Variants in KLRC2 observed in about 807,000 individuals in gnomAD.
The protein encoded by KLRC2 is killer cell lectin like receptor C2.
In KLRC2, 10 loss-of-function variants were observed where a neutral mutation model predicts 25.5. The ratio of observed to expected loss-of-function variants is 0.39; its 90% CI spans 0.24 to 0.67. The LOEUF is 0.67. Ranked by LOEUF, KLRC2 falls within the 30% of genes least tolerant of loss-of-function variation. The pLI, the probability that KLRC2 is intolerant of heterozygous loss-of-function variation, is 0.45. For synonymous variants in KLRC2, 48 were observed against 93.3 expected (o/e 0.51, Z 2.80); for missense variants, 170 against 272.8 (o/e 0.62, Z 2.65).
At position 10,432,000 on chromosome 12, in the gene KLRC2, C is replaced by T. The variant is rs1863821767; in HGVS notation, c.584+106G>A. 7.1e-6 allele frequency: 7 copies of T among 988,664 alleles called. 1 individual carries two copies. In the South Asian group the frequency reaches 1.2e-4, roughly 17 times the overall value. The allele number at this position is 988,664 out of a possible 1,614,324, so 61.2% of individuals were successfully genotyped here. A position where few individuals can be genotyped will look rare whatever the true frequency, so the allele number is the denominator to read the frequency against. ...TTATATCAACATTTCACTAACTTTC[C>T]ACATCTTTCTTCATGTCAATGATTC... On this transcript the variant is annotated intron_variant, in intron 5 of 5. Coordinates refer to ENST00000381902, the MANE Select transcript of KLRC2 (RefSeq NM_002260.4).
rs1435887167 is a variant in KLRC2 at position 10,431,711 on chromosome 12, C to G, written c.584+395G>C. Among the ~76,000 whole-genome samples, 4 of 141,518 alleles carry G rather than the reference C, an allele frequency of 2.8e-5. No individual in the cohort carries two copies. In the South Asian group the frequency reaches 8.8e-4, roughly 31 times the overall value. 92.8% of individuals were successfully genotyped at this position (141,518 alleles called of 152,430 possible). A position where few individuals can be genotyped will look rare whatever the true frequency, so the allele number is the denominator to read the frequency against. On this transcript the variant is annotated intron_variant, in intron 5 of 5. Coordinates refer to ENST00000381902, the MANE Select transcript of KLRC2 (RefSeq NM_002260.4). The stretch of plus-strand genomic sequence containing the variant: ...TCCAACTCGCTGCCCATGGGCCGCA[C>G]GTGACCCAGGACAGCTTTGAATGCG...
chr12:10,434,744 T>C (rs1217801012), intron 2 of KLRC2, among the ~76,000 whole-genome samples: 15 of 152,080 alleles, frequency 9.9e-5, no homozygotes, highest in African/African-American at 2.4e-4. Flanking sequence ...TCTTGTAGTA[T>C]TTGATGTAAC....
intron 5 of KLRC2, among the ~76,000 whole-genome samples, chr12:10,431,555 A>G (rs1374627351): frequency 7.1e-6 from 1 of 141,756 alleles, no homozygotes; most frequent in Non-Finnish European, 1.5e-5. Context: ...AATAACTAAT[A>G]ATAAAAAAAT....
At position 10,435,698 on chromosome 12, in the gene KLRC2, C is replaced by T. The variant is rs113029910; in HGVS notation, c.187+102G>A. ...AATTTTAGATCCCAATTATGAACTC[C>T]GATTCTCACAAGTGCAAAATATTCC... On this transcript the variant is annotated intron_variant, in intron 1 of 5. Coordinates refer to ENST00000381902, the MANE Select transcript of KLRC2 (RefSeq NM_002260.4). The T allele has an allele frequency of 7.6e-5, 97 of 1,283,372 alleles. 13 individuals are homozygous for T. Among genetic ancestry groups the T allele is most frequent in the Admixed American group, 2.0e-4 (9 of 45,152 alleles). 79.5% of individuals were successfully genotyped at this position (1,283,372 alleles called of 1,614,324 possible).
At chr12:10,433,610 AAAAT>A (rs1280656640) in intron 4 of KLRC2, among the ~76,000 whole-genome samples, 177 bp downstream of exon 4, 2 of 142,678 alleles carry the variant, frequency 1.4e-5, no homozygotes, top group East Asian at 4.2e-4. Context: ...ACAAAAACTG[AAAAT>A]AAATGTACAT....
intron 5 of KLRC2, among the ~76,000 whole-genome samples, chr12:10,431,746 A>G (rs1863818678): frequency 7.5e-6 from 1 of 133,912 alleles, no homozygotes; most frequent in African/African-American, 2.9e-5. Context: ...GGCCCAACAC[A>G]AATACGTAAA....
intron 5 of KLRC2, among the ~76,000 whole-genome samples, chr12:10,431,809 G>C (rs1318497076): frequency 7.4e-6 from 1 of 134,462 alleles, no homozygotes; most frequent in African/African-American, 2.9e-5. Context: ...GTCAGCTATC[G>C]TTAGTGTTAG....
In KLRC2 at chr12:10,435,819, A is replaced by C. The variant is rs113695732; in HGVS notation, c.168T>G (p.Asp56Glu). 6 of 1,543,852 alleles carry C rather than the reference A, an allele frequency of 3.9e-6. 1 individual carries two copies. The highest frequency in any genetic ancestry group is 3.4e-5 in the South Asian group (3 of 88,912). The part of the protein sequence containing the change: ...QNPSLNHQGI[D>E]KIYDCQGLLP... ...TTTTACCTTGGCAGTCATATATTTT[A>C]TCAATCCCTTGATGATTCAGGGAAG... Residue 56 changes from aspartate to glutamate, a missense_variant, in exon 1 of 6, where the codon GAT becomes GAG. Asp to Glu is a conservative substitution (Grantham distance 45). This residue lies in a region of KLRC2 where 37 missense variants were observed against 68.0 expected (regional missense o/e 0.54). Transcript: ENST00000381902.
chr12:10,431,445 C>A (rs1591605900), intron 5 of KLRC2: 2 of 526,314 alleles, frequency 3.8e-6, no homozygotes, highest in East Asian at 7.9e-5. Flanking sequence ...CCTGAAATGG[C>A]AGATAGTGCA....
intron 5 of KLRC2, 64 bp from the exon 6 acceptor site, chr12:10,431,292 T>C (rs1253776772): frequency 6.7e-7 from 1 of 1,493,600 alleles, no homozygotes; most frequent in East Asian, 2.5e-5. Context: ...GACGAAAGCA[T>C]TTTCCATGTA....
At position 10,430,916 on chromosome 12, in the gene KLRC2, A is replaced by T. The variant is rs1863803652; in HGVS notation, c.*201T>A. 1.8e-6 allele frequency: 2 copies of T among 1,124,878 alleles called. 1 individual carries two copies. Among genetic ancestry groups the T allele is most frequent in the South Asian group, 3.7e-5 (2 of 54,502 alleles). The allele number at this position is 1,124,878 out of a possible 1,614,324, so 69.7% of individuals were successfully genotyped here. A position where few individuals can be genotyped will look rare whatever the true frequency, so the allele number is the denominator to read the frequency against. ...AGAAAGGCTGAAAACCACAAATACC[A>T]TGTTGAGCAAAATGAGCCCGACACA... is the stretch of plus-strand genomic sequence containing the variant. On this transcript the variant is annotated 3_prime_UTR_variant, in exon 6 of 6. Transcript: ENST00000381902.
In KLRC2 at chr12:10,431,144, C is replaced by T. The variant is rs34724793; in HGVS notation, c.669G>A (p.Met223Ile). Residue 223 changes from methionine (M) to isoleucine (I), a missense_variant, in exon 6 of 6, where the codon ATG becomes ATA. By Grantham distance (10) the Met-to-Ile change is conservative. This residue lies in a region of KLRC2 where 129 missense variants were observed against 150.2 expected (regional missense o/e 0.86). Transcript: ENST00000381902. ...AAAGCTTATGCTTACAATGATATAT[C>T]ATTGAAGATCCACACTGGGCTGATT... ...RLKSAQCGSSMIYHCKHKL is the reference protein window; with the variant it reads ...RLKSAQCGSSIIYHCKHKL The T allele has an allele frequency of 2.2e-4, 334 of 1,539,084 alleles. 44 individuals are homozygous for T. Among genetic ancestry groups the T allele is most frequent in the South Asian group, 2.8e-4 (25 of 88,756 alleles).
intron 4 of KLRC2, 88 bp from the exon 5 acceptor site, chr12:10,432,294 A>G: frequency 1.2e-6 from 1 of 851,296 alleles, no homozygotes; most frequent in Non-Finnish European, 1.7e-6. Context: ...CACTATTTGC[A>G]GTGCCAAAAA....
chr12:10,432,042 T>C lies in KLRC2; in HGVS notation c.584+64A>G, dbSNP rs1267639233. On this transcript the variant is annotated intron_variant, in intron 5 of 5. Coordinates refer to ENST00000381902, the MANE Select transcript of KLRC2 (RefSeq NM_002260.4). ...CAATGATTCCACATAAATTTATTCATATTATTCTTCTGAATTTATCCTTTA... is the reference window on the plus strand; with the variant it reads ...CAATGATTCCACATAAATTTATTCACATTATTCTTCTGAATTTATCCTTTA... 2 of 1,196,228 alleles carry C rather than the reference T, an allele frequency of 1.7e-6. 1 individual carries two copies. Among genetic ancestry groups the C allele is most frequent in the African/African-American group, 3.4e-5 (2 of 58,132 alleles). 74.1% of individuals were successfully genotyped at this position (1,196,228 alleles called of 1,614,324 possible). A position where few individuals can be genotyped will look rare whatever the true frequency, so the allele number is the denominator to read the frequency against.
At position 10,430,633 on chromosome 12, in the gene KLRC2, T is replaced by G. The variant is rs1863800836; in HGVS notation, c.*484A>C. 6.9e-6 allele frequency: 1 copy of G among 144,140 alleles called. No homozygotes were observed. The highest frequency in any genetic ancestry group is 1.5e-5 in the Non-Finnish European group (1 of 66,278). The allele number at this position is 144,140 out of a possible 1,614,324, so 8.9% of individuals were successfully genotyped here. On this transcript the variant is annotated 3_prime_UTR_variant, in exon 6 of 6. Transcript: ENST00000381902. ...TCTGGATAGCTTTATTGAAGTGTCA[T>G]GTACAAAGCATACATTTCATGCACT...
In KLRC2 at chr12:10,432,169, C is replaced by T; in HGVS notation, c.521G>A (p.Gly174Asp). Reference sequence around the variant, plus strand: ...ATGATGACTGCTGTTACGAAACACACCAATCCATGAGGAAGGTAAAATGCT... The same window carrying T: ...ATGATGACTGCTGTTACGAAACACATCAATCCATGAGGAAGGTAAAATGCT... ...LASILPSSWIGVFRNSSHHPW... is the reference protein window; with the variant it reads ...LASILPSSWIDVFRNSSHHPW... The change falls in exon 5 of 6, where the codon GGT (glycine) becomes GAT (aspartate). Residue 174 changes from glycine to aspartate, a missense_variant. By Grantham distance (94) the Gly-to-Asp change is moderately conservative. Coordinates refer to ENST00000381902, the MANE Select transcript of KLRC2 (RefSeq NM_002260.4). 6.6e-7 allele frequency: 1 copy of T among 1,506,370 alleles called. No individual in the cohort carries two copies. Among genetic ancestry groups the T allele is most frequent in the Admixed American group, 1.8e-5 (1 of 55,684 alleles). The allele number at this position is 1,506,370 out of a possible 1,614,324, so 93.3% of individuals were successfully genotyped here.
At chr12:10,434,244 G>T (rs1340724785) in intron 3 of KLRC2, 1 of 588,938 alleles carries the variant, frequency 1.7e-6, no homozygotes, top group African/African-American at 2.1e-5. Flanking sequence ...TATTTATTTG[G>T]TATCATCTCA....
Position 10,430,807 on chromosome 12 carries a change from C to T in KLRC2, c.*310G>A. 2 of 309,470 alleles carry T rather than the reference C, an allele frequency of 6.5e-6. No individual in the cohort carries two copies. The highest frequency in any genetic ancestry group is 1.0e-5 in the Non-Finnish European group (2 of 199,462). 19.2% of individuals were successfully genotyped at this position (309,470 alleles called of 1,614,324 possible). On this transcript the variant is annotated 3_prime_UTR_variant, in exon 6 of 6. Coordinates refer to ENST00000381902, the MANE Select transcript of KLRC2 (RefSeq NM_002260.4). ...TATTTCAACCTCCCTGAGACATTGGCAACCACTATTCTACTTTCTGTCTCC... is the reference window on the plus strand; with the variant it reads ...TATTTCAACCTCCCTGAGACATTGGTAACCACTATTCTACTTTCTGTCTCC...
In KLRC2 at chr12:10,432,838, C is replaced by T. The variant is rs1048485892; in HGVS notation, c.484-632G>A. 6.7e-5 allele frequency among the ~76,000 whole-genome samples: 9 copies of T among 134,540 alleles called. 1 individual carries two copies. The highest frequency in any genetic ancestry group is 1.5e-4 in the Non-Finnish European group (9 of 61,932). The allele number at this position is 134,540 out of a possible 152,430, so 88.3% of individuals were successfully genotyped here. The stretch of plus-strand genomic sequence containing the variant: ...TGGGACCCTAGCATCAGGGATCAAC[C>T]AAGTGTCCGAGTGAGCATGTTAAGT... On this transcript the variant is annotated intron_variant, in intron 4 of 5. Transcript: ENST00000381902.
Sources: allele counts gnomAD v4.1 joint callset (sites outside exome capture counted in the v4.1 genomes callset), GRCh38; gene constraint gnomAD v4.1.1; regional missense constraint gnomAD v4.1.1; transcripts MANE v1.5; gene names NCBI Gene and HGNC (gene_info 2026-07-23, HGNC 2026-07-21).